Variants in EPB41L4A observed in about 807,000 individuals in gnomAD.
EPB41L4A encodes the protein erythrocyte membrane protein band 4.1 like 4A, also known as band 4.1-like protein 4A.
In EPB41L4A, 100 loss-of-function variants were observed where a neutral mutation model predicts 108.6. The ratio of observed to expected loss-of-function variants is 0.92; its 90% CI spans 0.78 to 1.09. The LOEUF (loss-of-function observed/expected upper bound fraction) is 1.09. EPB41L4A is among the 50% of genes least tolerant of loss of function. The pLI is 0.00. For synonymous variants in EPB41L4A, 319 were observed against 289.0 expected, an observed-to-expected ratio of 1.10 and a Z score of -1.05; for missense variants, 1,030 against 842.7, an observed-to-expected ratio of 1.22 and a Z score of -2.75.
At chr5:112,327,302 C>T (rs1420855975) in intron 1 of EPB41L4A, among the ~76,000 whole-genome samples, 1 of 152,138 alleles carries the variant, frequency 6.6e-6, no homozygotes, top group East Asian at 1.9e-4. Flanking sequence ...AGAAGCTCCT[C>T]GTGTTTAAAT....
At chr5:112,151,144 A>G (rs905112036) in intron 12 of EPB41L4A, among the ~76,000 whole-genome samples, 3 of 152,178 alleles carry the variant, frequency 2.0e-5, no homozygotes, top group Non-Finnish European at 2.9e-5. Flanking sequence ...TAAGAAAAAA[A>G]TTATCTTGAA....
intron 18 of EPB41L4A, among the ~76,000 whole-genome samples, chr5:112,172,574 T>C (rs1401592414): frequency 2.6e-5 from 4 of 152,038 alleles, no homozygotes; most frequent in Non-Finnish European, 5.9e-5. Flanking sequence ...CTTGGTGTCC[T>C]GTATGTATTC....
At chr5:112,170,152 CTT>C (rs113684359) in intron 20 of EPB41L4A, 147 bp downstream of exon 20, 11 of 722,844 alleles carry the variant, frequency 1.5e-5, no homozygotes, top group African/African-American at 1.3e-4. Flanking sequence ...TTAATGCACA[CTT>C]TTCTTCCTCT....
At chr5:112,334,261 T>G (rs1319342519) in intron 1 of EPB41L4A, among the ~76,000 whole-genome samples, 5 of 152,122 alleles carry the variant, frequency 3.3e-5, no homozygotes, top group Non-Finnish European at 7.4e-5. Flanking sequence ...AATCAAAGTA[T>G]TTTACCCCAA....
rs1444123508 is a variant in EPB41L4A, at chr5:112,266,327, A to G, written c.339T>C (p.Tyr113=). ...CTTGCTTCACCTGCAAGAAAAACTGATATCTAAAAGAGAAACAAAAAGAGA... is the reference window on the plus strand; with the variant it reads ...CTTGCTTCACCTGCAAGAAAAACTGGTATCTAAAAGAGAAACAAAAAGAGA... ...PCKLKEEITR[Y]QFFLQVKQDV... The change falls in exon 5 of 23, where the codon TAT becomes TAC. Residue 113 remains tyrosine, a synonymous_variant. Transcript: ENST00000261486. 29 of 1,593,298 alleles carry G rather than the reference A, an allele frequency of 1.8e-5. No homozygotes were observed. The highest frequency in any genetic ancestry group is 2.5e-5 in the Non-Finnish European group (29 of 1,169,280).
At chr5:112,266,738 C>T (rs1751889358) in intron 4 of EPB41L4A, among the ~76,000 whole-genome samples, 1 of 152,240 alleles carries the variant, frequency 6.6e-6, no homozygotes, top group African/African-American at 2.4e-5. Context: ...GCCACCACAA[C>T]ATGCTCTTAC....
chr5:112,307,453 A>G lies in EPB41L4A; in HGVS notation c.137T>C (p.Phe46Ser), dbSNP rs1198344735. Residue 46 changes from phenylalanine (F) to serine (S), a missense_variant, in exon 2 of 23, where the codon TTC becomes TCC. By Grantham distance (155) the Phe-to-Ser change is radical. Coordinates refer to ENST00000261486, the MANE Select transcript of EPB41L4A (RefSeq NM_022140.5). ...TATCTCCACAAGGTTTACGTGATGG[A>G]ATACGTGGTCAAGGACAACGGAACC... ...TKGSVVLDHV[F>S]HHVNLVEIDY... The G allele has an allele frequency of 1.2e-6, 2 of 1,613,306 alleles. No homozygotes were observed. The highest frequency in any genetic ancestry group is 1.7e-5 in the Admixed American group (1 of 59,992).
At chr5:112,358,542 C>T (rs1368641599) in intron 1 of EPB41L4A, among the ~76,000 whole-genome samples, 1 of 152,180 alleles carries the variant, frequency 6.6e-6, no homozygotes, top group African/African-American at 2.4e-5. Context: ...AAAAGTTTAA[C>T]AGCTGGATGA....
chr5:112,166,475 G>A (rs1025131878), intron 22 of EPB41L4A, among the ~76,000 whole-genome samples: 3 of 152,136 alleles, frequency 2.0e-5, no homozygotes, highest in African/African-American at 7.2e-5. Context: ...TCCAGAGTCA[G>A]CATTTTCCCT....
chr5:112,252,269 G>T (rs1250869974), intron 9 of EPB41L4A, among the ~76,000 whole-genome samples: 1 of 152,054 alleles, frequency 6.6e-6, no homozygotes, highest in Non-Finnish European at 1.5e-5. Context: ...GGGTCTATGT[G>T]TGTATATATG....
intron 1 of EPB41L4A, among the ~76,000 whole-genome samples, chr5:112,343,667 G>A (rs1027139508): frequency 3.3e-5 from 5 of 151,390 alleles, no homozygotes; most frequent in African/African-American, 1.2e-4. Flanking sequence ...TTTTAACTCA[G>A]TTTACAAAAC....
intron 1 of EPB41L4A, among the ~76,000 whole-genome samples, chr5:112,375,036 C>G (rs992076864): frequency 1.3e-5 from 2 of 152,132 alleles, no homozygotes; most frequent in Non-Finnish European, 2.9e-5. Flanking sequence ...AATACCAGTG[C>G]CTAATCTCCA....
At chr5:112,243,113 C>T (rs1288122096) in intron 9 of EPB41L4A, among the ~76,000 whole-genome samples, 1 of 151,732 alleles carries the variant, frequency 6.6e-6, no homozygotes, top group Non-Finnish European at 1.5e-5. Context: ...ATTTCGGAGG[C>T]TGAGACAGGA....
intron 3 of EPB41L4A, among the ~76,000 whole-genome samples, chr5:112,279,224 T>C (rs1039199840): frequency 1.3e-5 from 2 of 152,118 alleles, no homozygotes; most frequent in Non-Finnish European, 2.9e-5. Flanking sequence ...GATGCTGACA[T>C]TCATAGAAAC....
chr5:112,235,328 G>C (rs1359934075), intron 11 of EPB41L4A, among the ~76,000 whole-genome samples: 1 of 152,202 alleles, frequency 6.6e-6, no homozygotes, highest in Admixed American at 6.5e-5. Flanking sequence ...AGATTCCAGG[G>C]CAGGTTTCCC....
chr5:112,178,541 C>T (rs1282043170), intron 18 of EPB41L4A, among the ~76,000 whole-genome samples: 1 of 151,890 alleles, frequency 6.6e-6, no homozygotes, highest in African/African-American at 2.4e-5. Flanking sequence ...GGCCTTAAAA[C>T]AAGTCTCAAT....
At chr5:112,213,164 T>C (rs894237878) in intron 12 of EPB41L4A, among the ~76,000 whole-genome samples, 2 of 152,148 alleles carry the variant, frequency 1.3e-5, no homozygotes, top group African/African-American at 4.8e-5. Context: ...ACAACCAGCA[T>C]AGCCAAACTT....
chr5:112,331,857 CT>C (rs1348045030), intron 1 of EPB41L4A, among the ~76,000 whole-genome samples: 17 of 152,334 alleles, frequency 1.1e-4, no homozygotes, highest in African/African-American at 3.8e-4. Flanking sequence ...CACAAGGTGC[CT>C]GCTTCTGAGG....
intron 12 of EPB41L4A, among the ~76,000 whole-genome samples, chr5:112,152,371 T>C (rs899066664): frequency 6.6e-6 from 1 of 150,714 alleles, no homozygotes. Flanking sequence ...ATTACTGCTA[T>C]GGTCTGAATG....
Sources: gnomAD v4.1 joint callset for allele counts (sites outside exome capture counted in the v4.1 genomes callset) on GRCh38, gnomAD v4.1.1 for gene constraint, MANE v1.5 for transcripts, NCBI Gene and HGNC (gene_info 2026-07-23, HGNC 2026-07-21) for gene names.